MSH3: variants seen among roughly 807,000 people sequenced by gnomAD.
MSH3 encodes mutS homolog 3.
A neutral mutation model predicts 123.3 loss-of-function variants in MSH3; 106 were observed. That is an observed-to-expected ratio of 0.86 (90% CI 0.73 to 1.01). The LOEUF (loss-of-function observed/expected upper bound fraction) is 1.01, where lower values mean the gene tolerates loss of function less well. MSH3 is among the 50% of genes least tolerant of loss of function. The pLI is 0.00. For synonymous variants in MSH3, 515 were observed against 481.4 expected, an observed-to-expected ratio of 1.07 and a Z score of -0.91; for missense variants, 1,459 against 1,347.6, an observed-to-expected ratio of 1.08 and a Z score of -1.29.
chr5:80,699,790 T>G (rs1423226204), intron 8 of MSH3, among the ~76,000 whole-genome samples: 2 of 152,174 alleles, frequency 1.3e-5, no homozygotes, highest in Non-Finnish European at 2.9e-5. Flanking sequence ...CATCCTGACA[T>G]TTCCATAGAT....
rs181544881 is a variant in MSH3, at chr5:80,737,321, G to T, written c.1569-4143G>T. ...TTTAAATAAGTTCTGTACCCTTGTT[G>T]CCTTTGTCTGTCTTTTTTTTAAGCA... On this transcript the variant is annotated intron_variant, in intron 10 of 23. Transcript: ENST00000265081. Among the ~76,000 whole-genome samples, 581 of 151,962 alleles carry T rather than the reference G, an allele frequency of 3.8e-3. 4 individuals are homozygous for T. The highest frequency in any genetic ancestry group is 0.013 in the African/African-American group (542 of 41,444).
At chr5:80,830,534 G>A (rs1745398870) in intron 20 of MSH3, among the ~76,000 whole-genome samples, 1 of 152,224 alleles carries the variant, frequency 6.6e-6, no homozygotes. Flanking sequence ...TATCCATGAT[G>A]ACAGATTAAT....
At chr5:80,789,146 A>G (rs1420430678) in intron 18 of MSH3, among the ~76,000 whole-genome samples, 1 of 152,226 alleles carries the variant, frequency 6.6e-6, no homozygotes, top group Admixed American at 6.5e-5. Flanking sequence ...TGAATATTAT[A>G]TAATGATTTC....
chr5:80,711,866 C>T (rs1203073614), intron 8 of MSH3, among the ~76,000 whole-genome samples: 1 of 152,034 alleles, frequency 6.6e-6, no homozygotes, highest in African/African-American at 2.4e-5. Flanking sequence ...GTGGGCCAGG[C>T]TCGTGTTGAA....
intron 2 of MSH3, among the ~76,000 whole-genome samples, chr5:80,658,585 G>A (rs1749352052): frequency 6.6e-6 from 1 of 152,020 alleles, no homozygotes; most frequent in South Asian, 2.1e-4. Flanking sequence ...CTGGGTGACT[G>A]TTCCACTTCA....
intron 20 of MSH3, among the ~76,000 whole-genome samples, chr5:80,846,699 G>A (rs1432764266): frequency 6.6e-6 from 1 of 152,232 alleles, no homozygotes; most frequent in Non-Finnish European, 1.5e-5. Flanking sequence ...GCAAGGCTCC[G>A]TGGGCGTGAG....
chr5:80,813,754 A>T lies in MSH3; in HGVS notation c.2813+13A>T. On this transcript the variant is annotated intron_variant, in intron 20 of 23. Transcript: ENST00000265081. The stretch of plus-strand genomic sequence containing the variant: ...GCATTTTCACAAGGTAAGTACGTTA[A>T]TTCAGCTTGCATATATTCTTGAAAA... The T allele has an allele frequency of 6.2e-7, 1 of 1,614,014 alleles. No homozygotes were observed.
chr5:80,759,851 C>T (rs1052527250), intron 12 of MSH3, among the ~76,000 whole-genome samples: 1 of 152,062 alleles, frequency 6.6e-6, no homozygotes. Context: ...AGAGCCAGCC[C>T]GTGTGTGTAC....
At chr5:80,857,458 A>T (rs1318897747) in intron 21 of MSH3, among the ~76,000 whole-genome samples, 1 of 152,208 alleles carries the variant, frequency 6.6e-6, no homozygotes, top group Non-Finnish European at 1.5e-5. Context: ...GACTATAGAG[A>T]ATTGGTAAAA....
At chr5:80,769,369 G>T (rs1436326271) in intron 15 of MSH3, among the ~76,000 whole-genome samples, 5 of 152,050 alleles carry the variant, frequency 3.3e-5, no homozygotes, top group African/African-American at 1.2e-4. Context: ...TACAAAGCCT[G>T]TGTTGATTGG....
intron 12 of MSH3, among the ~76,000 whole-genome samples, chr5:80,755,141 G>T (rs6151762): frequency 0.01 from 1,580 of 152,224 alleles, 29 homozygotes; most frequent in African/African-American, 0.036. Flanking sequence ...GGACTGACCT[G>T]GTGCCCCTTT....
chr5:80,768,154 CA>C, intron 14 of MSH3, 34 bp downstream of exon 14: 1 of 1,572,954 alleles, frequency 6.4e-7, no homozygotes, highest in Non-Finnish European at 8.8e-7. Context: ...TCCTTTTCAC[CA>C]GTCAGTATAA....
intron 8 of MSH3, among the ~76,000 whole-genome samples, chr5:80,719,071 C>T (rs1257470130): frequency 1.3e-5 from 2 of 148,588 alleles, no homozygotes; most frequent in Non-Finnish European, 3.0e-5. Context: ...TTTTCTGAGA[C>T]GGAGTCTTAC....
chr5:80,775,520 C>A (rs1263046310), intron 15 of MSH3, among the ~76,000 whole-genome samples, 174 bp from the exon 16 acceptor site: 1 of 151,958 alleles, frequency 6.6e-6, no homozygotes, highest in Non-Finnish European at 1.5e-5. Flanking sequence ...AAGTAGTGAA[C>A]CCTTAATTAA....
At chr5:80,680,459 A>G (rs1367968058) in intron 8 of MSH3, among the ~76,000 whole-genome samples, 1 of 151,792 alleles carries the variant, frequency 6.6e-6, no homozygotes, top group Non-Finnish European at 1.5e-5. Flanking sequence ...TGAATTCTGT[A>G]ACCCAGAGAA....
chr5:80,806,253 CA>C (rs1447527982), intron 19 of MSH3, among the ~76,000 whole-genome samples: 1 of 152,150 alleles, frequency 6.6e-6, no homozygotes, highest in Non-Finnish European at 1.5e-5. Context: ...CATGTGCCAC[CA>C]CACCTGGCTA....
At chr5:80,663,605 G>C (rs1008283113) in intron 2 of MSH3, among the ~76,000 whole-genome samples, 1 of 151,120 alleles carries the variant, frequency 6.6e-6, no homozygotes, top group Non-Finnish European at 1.5e-5. Context: ...CACACTTATA[G>C]TATATTTTTG....
chr5:80,727,819 A>G lies in MSH3; in HGVS notation c.1454-1032A>G, dbSNP rs372819498. Among the ~76,000 whole-genome samples, 34 of 152,250 alleles carry G rather than the reference A, an allele frequency of 2.2e-4. No homozygotes were observed. The East Asian group carries it at 4.2e-3, about 19-fold the overall frequency. On this transcript the variant is annotated intron_variant, in intron 9 of 23. Transcript: ENST00000265081. ...ATAAGTGCTATGAAAAAAATAAGGCAGGGGAGTGGGTTGAACTTTTAAATA... is the reference window on the plus strand; with the variant it reads ...ATAAGTGCTATGAAAAAAATAAGGCGGGGGAGTGGGTTGAACTTTTAAATA...
intron 20 of MSH3, among the ~76,000 whole-genome samples, chr5:80,848,133 G>A (rs1035883932): frequency 3.9e-5 from 6 of 152,220 alleles, no homozygotes; most frequent in Non-Finnish European, 7.3e-5. Flanking sequence ...GCAGGCTGAG[G>A]TGGGAGGATC....
Sources: gnomAD v4.1 joint callset for allele counts (sites outside exome capture counted in the v4.1 genomes callset) on GRCh38, gnomAD v4.1.1 for gene constraint, MANE v1.5 for transcripts, NCBI Gene and HGNC (gene_info 2026-07-23, HGNC 2026-07-21) for gene names.